SAMD4A: variants seen among roughly 807,000 people sequenced by gnomAD.
SAMD4A encodes sterile alpha motif domain containing 4A, also known as protein Smaug homolog 1.
A neutral mutation model predicts 81.3 loss-of-function variants in SAMD4A; 33 were observed. The ratio of observed to expected loss-of-function variants is 0.41; its 90% CI spans 0.31 to 0.54. SAMD4A has a LOEUF of 0.54. Among genes scored for constraint, SAMD4A ranks in the 20% least tolerant of loss-of-function variants. The pLI is 0.37. For synonymous variants in SAMD4A, 389 were observed against 382.1 expected, an observed-to-expected ratio of 1.02 and a Z score of -0.21; for missense variants, 854 against 951.1, an observed-to-expected ratio of 0.90 and a Z score of 1.34.
intron 7 of SAMD4A, among the ~76,000 whole-genome samples, chr14:54,761,733 A>G (rs1295842019): frequency 6.6e-6 from 1 of 151,990 alleles, no homozygotes; most frequent in Non-Finnish European, 1.5e-5. Context: ...TCCTCACCCC[A>G]TTCCCTTCAC....
intron 12 of SAMD4A, among the ~76,000 whole-genome samples, chr14:54,787,333 A>C (rs1188655903): frequency 5.9e-5 from 9 of 152,180 alleles, no homozygotes. Flanking sequence ...TATTACTTAC[A>C]ACAGCATGTG....
chr14:54,770,117 C>T lies in SAMD4A; in HGVS notation c.1610C>T (p.Thr537Ile). 6.2e-7 allele frequency: 1 copy of T among 1,613,264 alleles called. No individual in the cohort carries two copies. The highest frequency in any genetic ancestry group is 8.5e-7 in the Non-Finnish European group (1 of 1,179,326). The change falls in exon 9 of 13, where the codon ACA becomes ATA. Residue 537 changes from threonine (T) to isoleucine (I), a missense_variant. Physicochemically the swap from Thr to Ile is moderately conservative, Grantham distance 89. This residue lies in a region of SAMD4A where 428 missense variants were observed against 471.2 expected (regional missense o/e 0.91). Transcript: ENST00000554335. The part of the protein sequence containing the change: ...KCLIHEAFTE[T>I]QKKRLLSWKQ... ...TTGTTTTTGCAGGCATTTACAGAGA[C>T]ACAGAAAAAAAGATTGTTGTCATGG...
At chr14:54,692,594 T>G (rs971844748) in intron 2 of SAMD4A, among the ~76,000 whole-genome samples, 1 of 152,182 alleles carries the variant, frequency 6.6e-6, no homozygotes, top group Non-Finnish European at 1.5e-5. Context: ...ATTCATTATT[T>G]TAAGGTACTA....
chr14:54,608,126 T>A (rs946587451), intron 2 of SAMD4A, among the ~76,000 whole-genome samples: 1 of 152,120 alleles, frequency 6.6e-6, no homozygotes, highest in Admixed American at 6.5e-5. Context: ...CCATTTGGAC[T>A]AAGAAGGCCT....
chr14:54,660,401 T>G (rs1411255103), intron 2 of SAMD4A, among the ~76,000 whole-genome samples: 1 of 152,230 alleles, frequency 6.6e-6, no homozygotes, highest in Non-Finnish European at 1.5e-5. Context: ...GAGGTCCATT[T>G]GCCCCAGCAT....
At chr14:54,656,497 T>G (rs1176213998) in intron 2 of SAMD4A, among the ~76,000 whole-genome samples, 1 of 152,220 alleles carries the variant, frequency 6.6e-6, no homozygotes, top group South Asian at 2.1e-4. Flanking sequence ...GCCCCATGGC[T>G]CTTGATATAC....
chr14:54,766,039 G>A (rs939121004), intron 8 of SAMD4A, among the ~76,000 whole-genome samples: 2 of 152,066 alleles, frequency 1.3e-5, no homozygotes, highest in African/African-American at 2.4e-5. Flanking sequence ...CCTCTGAAAT[G>A]TTTAACTATA....
Position 54,783,169 on chromosome 14 carries a change from A to AC in SAMD4A, c.2045-1368_2045-1367insC, listed in dbSNP as rs201547750. ...TGTCACAAAACTTTAAAAAAAAAAA[A>AC]AAAAACAAAAAGGATTTCACAACTC... On this transcript the variant is annotated intron_variant, in intron 11 of 12. Coordinates refer to ENST00000554335, the MANE Select transcript of SAMD4A (RefSeq NM_015589.6). 1.4e-3 allele frequency among the ~76,000 whole-genome samples: 219 copies of AC among 151,738 alleles called. 1 individual carries two copies. In the East Asian group the frequency reaches 0.018, roughly 13 times the overall value.
intron 2 of SAMD4A, among the ~76,000 whole-genome samples, chr14:54,616,299 T>A (rs1316097051): frequency 1.3e-5 from 2 of 152,278 alleles, no homozygotes; most frequent in Non-Finnish European, 2.9e-5. Flanking sequence ...TATTGAATTA[T>A]GGGACAATGC....
intron 3 of SAMD4A, among the ~76,000 whole-genome samples, chr14:54,732,926 G>A (rs56103253): frequency 0.12 from 17,494 of 152,118 alleles, 1,233 homozygotes; most frequent in Middle Eastern, 0.18. Flanking sequence ...AAATAAAATC[G>A]AGATGGAGTC....
chr14:54,659,388 C>CTGTGTG (rs150880500), intron 2 of SAMD4A, among the ~76,000 whole-genome samples: 1 of 151,734 alleles, frequency 6.6e-6, no homozygotes, highest in African/African-American at 2.4e-5. Context: ...TATCAGAGCT[C>CTGTGTG]TGTGTGTGTG....
chr14:54,782,915 C>T (rs1367940274), intron 11 of SAMD4A, among the ~76,000 whole-genome samples: 3 of 152,184 alleles, frequency 2.0e-5, no homozygotes, highest in African/African-American at 7.2e-5. Flanking sequence ...TTGGTGGAGA[C>T]ATGAAGGAGC....
At chr14:54,667,718 G>A (rs1362714367) in intron 2 of SAMD4A, among the ~76,000 whole-genome samples, 1 of 152,154 alleles carries the variant, frequency 6.6e-6, no homozygotes, top group Non-Finnish European at 1.5e-5. Context: ...TAACTCAGGT[G>A]GATAGTAATT....
chr14:54,682,971 C>T (rs527736714), intron 2 of SAMD4A, among the ~76,000 whole-genome samples: 11 of 152,338 alleles, frequency 7.2e-5, no homozygotes, highest in African/African-American at 2.6e-4. Flanking sequence ...TTGCTGGCTG[C>T]CGTGCAGTGC....
chr14:54,670,278 A>T (rs1244364336), intron 2 of SAMD4A, among the ~76,000 whole-genome samples: 1 of 152,128 alleles, frequency 6.6e-6, no homozygotes, highest in African/African-American at 2.4e-5. Context: ...GAGCTTTGTG[A>T]AAGTAGGTTA....
intron 2 of SAMD4A, among the ~76,000 whole-genome samples, chr14:54,686,559 G>GAAAA (rs397780447): frequency 2.1e-5 from 3 of 144,698 alleles, no homozygotes; most frequent in African/African-American, 7.6e-5. Context: ...TGGCTAACCA[G>GAAAA]AAAAAAAAAA....
intron 4 of SAMD4A, among the ~76,000 whole-genome samples, chr14:54,737,939 C>T (rs17127854): frequency 7.9e-6 from 1 of 126,620 alleles, no homozygotes; most frequent in Non-Finnish European, 1.7e-5. Flanking sequence ...CCTCCATTGC[C>T]TTGTGAATCT....
At chr14:54,674,446 T>C (rs1175424086) in intron 2 of SAMD4A, among the ~76,000 whole-genome samples, 1 of 152,252 alleles carries the variant, frequency 6.6e-6, no homozygotes, top group African/African-American at 2.4e-5. Context: ...GGATAATTGA[T>C]TCTGTTCTCT....
At chr14:54,768,761 T>C (rs147757723) in intron 8 of SAMD4A, among the ~76,000 whole-genome samples, 1,757 of 152,336 alleles carry the variant, frequency 0.012, 31 homozygotes, top group African/African-American at 0.04. Flanking sequence ...ATATTCTTAA[T>C]GGCATCTGGC....
Sources: gnomAD v4.1 joint callset for allele counts (sites outside exome capture counted in the v4.1 genomes callset) on GRCh38, gnomAD v4.1.1 for gene constraint, gnomAD v4.1.1 regional missense constraint, MANE v1.5 for transcripts, NCBI Gene and HGNC (gene_info 2026-07-23, HGNC 2026-07-21) for gene names.